PMM1: variants seen among roughly 807,000 people sequenced by gnomAD.
The protein encoded by PMM1 is phosphomannomutase 1, also known as brain glucose-1,6-bisphosphatase.
PMM1 carries 25 observed loss-of-function variants against 34.0 expected under a neutral mutation model. That is an observed-to-expected ratio of 0.73 (90% confidence interval 0.54 to 1.03). The LOEUF (loss-of-function observed/expected upper bound fraction) is 1.03, where lower values mean the gene tolerates loss of function less well. PMM1 is among the 50% of genes least tolerant of loss of function. The pLI is 0.00. For synonymous variants in PMM1, 134 were observed against 143.9 expected (o/e 0.93, Z 0.49); for missense variants, 321 against 350.1 (o/e 0.92, Z 0.66).
intron 1 of PMM1, among the ~76,000 whole-genome samples, chr22:41,587,161 C>T (rs369316557): frequency 1.5e-4 from 22 of 149,618 alleles, no homozygotes; most frequent in African/African-American, 5.2e-4. Flanking sequence ...CCCAGCTACT[C>T]GGGAGGGCTG....
intron 5 of PMM1, chr22:41,579,536 G>C (rs2067216982): frequency 1.3e-5 from 2 of 152,544 alleles, no homozygotes; most frequent in Admixed American, 6.5e-5. Context: ...AGTCTGAGGG[G>C]CAGCTGAACA....
chr22:41,577,678 C>A, intron 7 of PMM1, 130 bp downstream of exon 7: 1 of 771,578 alleles, frequency 1.3e-6, no homozygotes, highest in Middle Eastern at 3.1e-4. Flanking sequence ...CTCCAGGAGC[C>A]CCCTAAGAGG....
chr22:41,589,675 C>T (rs1422058108), intron 1 of PMM1, 44 bp downstream of exon 1: 10 of 1,514,364 alleles, frequency 6.6e-6, no homozygotes, highest in African/African-American at 1.4e-5. Context: ...CGGGGGTGTC[C>T]GCGTGACACT....
chr22:41,588,687 C>T (rs932660233), intron 1 of PMM1: 7 of 985,358 alleles, frequency 7.1e-6, no homozygotes, highest in African/African-American at 3.5e-5. Context: ...ATCTTCCTCC[C>T]GGATCCACCC....
Position 41,577,245 on chromosome 22 carries a change from T to C in PMM1, c.*73A>G. The C allele has an allele frequency of 6.3e-7, 1 of 1,592,500 alleles. No homozygotes were observed. Among genetic ancestry groups the C allele is most frequent in the Non-Finnish European group, 8.6e-7 (1 of 1,166,490 alleles). Reference sequence around the variant, plus strand: ...GCCAGAGGAGGGGCCCTGGCATCTATCCAACACCAGGACCTCTCTTTAGGC... The same window carrying C: ...GCCAGAGGAGGGGCCCTGGCATCTACCCAACACCAGGACCTCTCTTTAGGC... On this transcript the variant is annotated 3_prime_UTR_variant, in exon 8 of 8. Coordinates refer to ENST00000216259, the MANE Select transcript of PMM1 (RefSeq NM_002676.3).
At position 41,584,549 on chromosome 22, in the gene PMM1, T is replaced by C. The variant is rs1307946175; in HGVS notation, c.260A>G (p.His87Arg). The C allele has an allele frequency of 6.2e-7, 1 of 1,613,818 alleles. No individual in the cohort carries two copies. Among genetic ancestry groups the C allele is most frequent in the Non-Finnish European group, 8.5e-7 (1 of 1,179,900 alleles). Residue 87 changes from histidine to arginine, a missense_variant, in exon 3 of 8, where the codon CAC (histidine) becomes CGC (arginine). Transcript: ENST00000216259. The stretch of plus-strand genomic sequence containing the variant: ...GACCTGCTTGGAGAGCAGTCGTCCG[T>C]GCTTATACTGCACCGTCCCGTTCTC... Reference protein sequence around the residue: ...FAENGTVQYKHGRLLSKQTIQ... With the variant: ...FAENGTVQYKRGRLLSKQTIQ...
intron 7 of PMM1, 42 bp from the exon 8 acceptor site, chr22:41,577,482 G>C (rs1170660516): frequency 2.5e-6 from 4 of 1,583,140 alleles, no homozygotes; most frequent in Non-Finnish European, 3.4e-6. Context: ...TTTAGGTGGA[G>C]TCCCTCTCCA....
rs530812944 is a variant in PMM1, at chr22:41,578,061, A to T, written c.551-138T>A. On this transcript the variant is annotated intron_variant, in intron 6 of 7. Coordinates refer to ENST00000216259, the MANE Select transcript of PMM1 (RefSeq NM_002676.3). ...CAGGAATAGGACACGGGACAGACTT[A>T]GGATCCTCAAGGAAGTTATGACACA... 1.1e-5 allele frequency: 7 copies of T among 631,650 alleles called. 1 individual carries two copies. The South Asian group carries it at 1.3e-4, about 12-fold the overall frequency. The allele number at this position is 631,650 out of a possible 1,614,324, so 39.1% of individuals were successfully genotyped here. A position where few individuals can be genotyped will look rare whatever the true frequency, so the allele number is the denominator to read the frequency against.
chr22:41,589,669 G>T lies in PMM1; in HGVS notation c.87+50C>A, dbSNP rs2067357234. ...TGCAGACCCCACACTCAGCCTCGGG[G>T]GTGTCCGCGTGACACTCCCGGTGGG... On this transcript the variant is annotated intron_variant, in intron 1 of 7. Coordinates refer to ENST00000216259, the MANE Select transcript of PMM1 (RefSeq NM_002676.3). 5 of 1,471,470 alleles carry T rather than the reference G, an allele frequency of 3.4e-6. No individual in the cohort carries two copies. In the East Asian group the frequency reaches 9.3e-5, roughly 27 times the overall value. 91.2% of individuals were successfully genotyped at this position (1,471,470 alleles called of 1,614,324 possible).
At chr22:41,586,309 C>A in intron 1 of PMM1, 116 bp from the exon 2 acceptor site, 2 of 1,540,928 alleles carry the variant, frequency 1.3e-6, no homozygotes, top group Non-Finnish European at 1.7e-6. Flanking sequence ...GGATCTGAAG[C>A]AGTACAAAGC....
chr22:41,580,404 T>G (rs982523863), intron 5 of PMM1: 3 of 152,220 alleles, frequency 2.0e-5, no homozygotes, highest in African/African-American at 7.2e-5. Flanking sequence ...GAGAAGGCTC[T>G]GGGGTGGGGA....
intron 1 of PMM1, chr22:41,589,348 G>C (rs952067750): frequency 2.3e-6 from 1 of 433,034 alleles, no homozygotes; most frequent in Admixed American, 3.1e-5. Flanking sequence ...CTGGTGTGTC[G>C]TAGGGCTGAA....
chr22:41,589,168 G>T lies in PMM1; in HGVS notation c.87+551C>A, dbSNP rs374736761. ...GAAGCCCTCTCTGCTCCACGACTGG[G>T]GGTGGAAGGTAAAGTGGGTGATGGG... On this transcript the variant is annotated intron_variant, in intron 1 of 7. Transcript: ENST00000216259. 161 of 1,282,290 alleles carry T rather than the reference G, an allele frequency of 1.3e-4. No homozygotes were observed. The African/African-American group carries it at 2.3e-3, about 18-fold the overall frequency. The allele number at this position is 1,282,290 out of a possible 1,614,324, so 79.4% of individuals were successfully genotyped here. A position where few individuals can be genotyped will look rare whatever the true frequency, so the allele number is the denominator to read the frequency against.
At chr22:41,587,715 A>C (rs2067327878) in intron 1 of PMM1, among the ~76,000 whole-genome samples, 1 of 152,190 alleles carries the variant, frequency 6.6e-6, no homozygotes, top group Admixed American at 6.5e-5. Context: ...ACAATGCTTA[A>C]TATTTGCTCT....
Position 41,577,488 on chromosome 22 carries a change from C to T in PMM1, c.667-48G>A, listed in dbSNP as rs779628426. On this transcript the variant is annotated intron_variant, in intron 7 of 7. Coordinates refer to ENST00000216259, the MANE Select transcript of PMM1 (RefSeq NM_002676.3). ...GGAGGGATATTTAGGTGGAGTCCCT[C>T]TCCACATTGGCTGCTACGGACCTGC... 153 of 1,575,364 alleles carry T rather than the reference C, an allele frequency of 9.7e-5. No individual in the cohort carries two copies. In the Middle Eastern group the frequency reaches 7.2e-3, roughly 74 times the overall value.
At chr22:41,583,414 G>C (rs2067268779) in intron 5 of PMM1, among the ~76,000 whole-genome samples, 1 of 152,134 alleles carries the variant, frequency 6.6e-6, no homozygotes, top group Non-Finnish European at 1.5e-5. Flanking sequence ...CACGGGAGGT[G>C]GGAGTTGCAG....
chr22:41,584,340 C>T lies in PMM1; in HGVS notation c.315G>A (p.Leu105=). The change falls in exon 4 of 8, where the codon CTG becomes CTA. Residue 105 remains leucine (L), a synonymous_variant. Coordinates refer to ENST00000216259, the MANE Select transcript of PMM1 (RefSeq NM_002676.3). The part of the protein sequence containing the change: ...TIQNHLGEEL[L]QDLINFCLSY... ...TGAGGCAGAAGTTGATCAAGTCCTG[C>T]AGCAGCTCCTCCCCCAGGTGGTTCT... The T allele has an allele frequency of 2.5e-6, 4 of 1,614,158 alleles. No individual in the cohort carries two copies. The highest frequency in any genetic ancestry group is 2.5e-6 in the Non-Finnish European group (3 of 1,180,008).
Position 41,589,836 on chromosome 22 carries a change from C to A in PMM1, c.-31G>T. 6.4e-7 allele frequency: 1 copy of A among 1,561,192 alleles called. No homozygotes were observed. The highest frequency in any genetic ancestry group is 2.3e-5 in the East Asian group (1 of 43,412). ...CAGGTCCGCGCGCGGGGCGGAGTCC[C>A]GAAGATGCAACGGCAGAAGCAGCTC... On this transcript the variant is annotated 5_prime_UTR_variant, in exon 1 of 8. Transcript: ENST00000216259.
At chr22:41,581,139 A>C (rs1045548553) in intron 5 of PMM1, among the ~76,000 whole-genome samples, 2 of 146,604 alleles carry the variant, frequency 1.4e-5, no homozygotes, top group Non-Finnish European at 3.0e-5. Context: ...AAAAAAACCC[A>C]AAACCAAACC....
Sources: allele counts gnomAD v4.1 joint callset (sites outside exome capture counted in the v4.1 genomes callset), GRCh38; gene constraint gnomAD v4.1.1; transcripts MANE v1.5; gene names NCBI Gene and HGNC (gene_info 2026-07-23, HGNC 2026-07-21).